The following SV2B variants were observed in gnomAD, a reference collection of about 807,000 sequenced individuals.
SV2B encodes the protein solute carrier family 22 member B2.
In SV2B, 41 loss-of-function variants were observed where a neutral mutation model predicts 73.9. That is an observed-to-expected ratio of 0.56 (90% CI 0.43 to 0.72). The LOEUF (loss-of-function observed/expected upper bound fraction) is 0.72. Among genes scored for constraint, SV2B ranks in the 30% least tolerant of loss-of-function variants. SV2B has a pLI of 0.00. For synonymous variants in SV2B, 314 were observed against 314.2 expected (o/e 1.00, Z 0.01); for missense variants, 764 against 857.8 (o/e 0.89, Z 1.37).
intron 1 of SV2B, among the ~76,000 whole-genome samples, chr15:91,215,237 T>C (rs2045985796): frequency 6.6e-6 from 1 of 152,206 alleles, no homozygotes; most frequent in Non-Finnish European, 1.5e-5. Context: ...TTCTTTGGCC[T>C]TGCACTTGAA....
chr15:91,195,229 C>T (rs1431000962), intron 1 of SV2B, among the ~76,000 whole-genome samples: 1 of 152,170 alleles, frequency 6.6e-6, no homozygotes, highest in Non-Finnish European at 1.5e-5. Flanking sequence ...GGAATCTTGG[C>T]TCACTGCAGC....
intron 1 of SV2B, among the ~76,000 whole-genome samples, chr15:91,104,883 C>T (rs1386889702): frequency 4.6e-5 from 7 of 152,192 alleles, no homozygotes; most frequent in Non-Finnish European, 7.3e-5. Context: ...CTGCCCGCCT[C>T]GGCCTCCCAA....
chr15:91,276,956 G>T (rs945670921), intron 9 of SV2B, among the ~76,000 whole-genome samples: 1 of 151,978 alleles, frequency 6.6e-6, no homozygotes, highest in African/African-American at 2.4e-5. Flanking sequence ...GAATAAGTGG[G>T]ATTACAGGCA....
chr15:91,284,226 G>C lies in SV2B; in HGVS notation c.1708+5G>C. 6.2e-7 allele frequency: 1 copy of C among 1,614,076 alleles called. No individual in the cohort carries two copies. The highest frequency in any genetic ancestry group is 1.1e-5 in the South Asian group (1 of 91,046). On this transcript the variant is annotated splice_donor_5th_base_variant and intron_variant, in intron 11 of 12. Transcript: ENST00000394232. This position sits in a 1 kb window ranked among gnomAD's most constrained non-coding sequence, Gnocchi z 4.5. The stretch of plus-strand genomic sequence containing the variant: ...TTGGAAGGCTCAAGATGATTGGTGA[G>C]TTGCCAGCAGGGTCATTCCTGGGTT...
rs1395375682 is a variant in SV2B at position 91,106,631 on chromosome 15, A to G, written c.-392+6268A>G. Among the ~76,000 whole-genome samples the G allele has an allele frequency of 3.3e-5, 5 of 152,246 alleles. No homozygotes were observed. The highest frequency in any genetic ancestry group is 1.2e-4 in the African/African-American group (5 of 41,462). ...GGAAAGCAACGTGTGGTGACAAGAA[A>G]GAAAGAGGAACAAGTGGAAACCAAA... On this transcript the variant is annotated intron_variant, in intron 1 of 12. Transcript: ENST00000394232. This position sits in a 1 kb window ranked among gnomAD's most constrained non-coding sequence, Gnocchi z 4.4.
intron 1 of SV2B, among the ~76,000 whole-genome samples, chr15:91,135,956 G>A (rs184924810): frequency 6.6e-6 from 1 of 152,094 alleles, no homozygotes; most frequent in East Asian, 1.9e-4. Context: ...CTTGCAGGAG[G>A]GCAAGAGAAC....
At chr15:91,153,463 C>T (rs912573488) in intron 1 of SV2B, among the ~76,000 whole-genome samples, 2 of 152,126 alleles carry the variant, frequency 1.3e-5, no homozygotes, top group Non-Finnish European at 2.9e-5. Flanking sequence ...AGGCATTTAG[C>T]TTCCCCAAGG....
At chr15:91,178,321 A>G (rs1359449808) in intron 1 of SV2B, among the ~76,000 whole-genome samples, 1 of 150,226 alleles carries the variant, frequency 6.7e-6, no homozygotes, top group Non-Finnish European at 1.5e-5. Context: ...TTTTTGCATC[A>G]ATGTTCATCA....
In SV2B at chr15:91,234,995, G is replaced by A. The variant is rs940572630; in HGVS notation, c.451+8281G>A. 2.6e-5 allele frequency among the ~76,000 whole-genome samples: 4 copies of A among 152,144 alleles called. No homozygotes were observed. The highest frequency in any genetic ancestry group is 1.3e-4 in the Admixed American group (2 of 15,276). Reference sequence around the variant, plus strand: ...TTTTAGCTCAGGTCCATCTCACAGCGGGTCCTCAAGCTTGTTCTGTGGTTT... The same window carrying A: ...TTTTAGCTCAGGTCCATCTCACAGCAGGTCCTCAAGCTTGTTCTGTGGTTT... On this transcript the variant is annotated intron_variant, in intron 2 of 12. Transcript: ENST00000394232. This position sits in a 1 kb window ranked among gnomAD's most constrained non-coding sequence, Gnocchi z 5.6.
chr15:91,187,710 A>C (rs1309135183), intron 1 of SV2B, among the ~76,000 whole-genome samples: 2 of 151,710 alleles, frequency 1.3e-5, no homozygotes, highest in Non-Finnish European at 2.9e-5. Flanking sequence ...TCCTTGCTGC[A>C]ATGATAAGTA....
intron 1 of SV2B, among the ~76,000 whole-genome samples, chr15:91,177,376 C>T (rs1403976585): frequency 1.3e-5 from 2 of 150,472 alleles, no homozygotes; most frequent in Admixed American, 6.6e-5. Flanking sequence ...GCGATGTGGG[C>T]TCTTTTTTGG....
rs1283017892 is a variant in SV2B, at chr15:91,122,518, A to G, written c.-392+22155A>G. On this transcript the variant is annotated intron_variant, in intron 1 of 12. Coordinates refer to ENST00000394232, the MANE Select transcript of SV2B (RefSeq NM_001323032.3). This position sits in a 1 kb window ranked among gnomAD's most constrained non-coding sequence, Gnocchi z 4.3. Reference sequence around the variant, plus strand: ...ACCCTGCTTCTCCTTCTCTGCCAACATGCATGCTGCAGAGCAGACTCCCCC... The same window carrying G: ...ACCCTGCTTCTCCTTCTCTGCCAACGTGCATGCTGCAGAGCAGACTCCCCC... Among the ~76,000 whole-genome samples the G allele has an allele frequency of 6.6e-6, 1 of 152,118 alleles. No homozygotes were observed. The highest frequency in any genetic ancestry group is 2.4e-5 in the African/African-American group (1 of 41,418).
At chr15:91,243,098 C>T (rs998940190) in intron 2 of SV2B, among the ~76,000 whole-genome samples, 1 of 152,148 alleles carries the variant, frequency 6.6e-6, no homozygotes, top group Non-Finnish European at 1.5e-5. Context: ...CTTATGAGAC[C>T]CCTGGACTAT....
chr15:91,195,909 G>T (rs564574662), intron 1 of SV2B, among the ~76,000 whole-genome samples: 3 of 152,288 alleles, frequency 2.0e-5, no homozygotes, highest in East Asian at 3.9e-4. Context: ...ATCAGCATCA[G>T]GATGAGAGAA....
Position 91,251,070 on chromosome 15 carries a change from AT to A in SV2B, c.452-746del, listed in dbSNP as rs1223005796. On this transcript the variant is annotated intron_variant, in intron 2 of 12. Coordinates refer to ENST00000394232, the MANE Select transcript of SV2B (RefSeq NM_001323032.3). ...TCAAATATACTACAAAACTGTAGTA[AT>A]TTAAAACAATGGTAGTGGCATAAAC... 2.6e-5 allele frequency among the ~76,000 whole-genome samples: 4 copies of A among 152,346 alleles called. No individual in the cohort carries two copies. In the East Asian group the frequency reaches 7.7e-4, roughly 29 times the overall value.
chr15:91,145,055 G>T (rs965566451), intron 1 of SV2B, among the ~76,000 whole-genome samples: 6 of 151,966 alleles, frequency 3.9e-5, no homozygotes, highest in Non-Finnish European at 7.4e-5. Flanking sequence ...TGTATCATGG[G>T]GGTTGTTGTA....
At chr15:91,143,841 C>A (rs1163688202) in intron 1 of SV2B, among the ~76,000 whole-genome samples, 1 of 152,202 alleles carries the variant, frequency 6.6e-6, no homozygotes, top group Non-Finnish European at 1.5e-5. Context: ...CATGTTAATG[C>A]AAAATTAAAT....
At chr15:91,113,477 A>G (rs1448504461) in intron 1 of SV2B, among the ~76,000 whole-genome samples, 1 of 152,180 alleles carries the variant, frequency 6.6e-6, no homozygotes, top group Non-Finnish European at 1.5e-5. Context: ...TTATGGGAAC[A>G]AGTTGAGGAG....
chr15:91,154,332 G>C (rs962167830), intron 1 of SV2B, among the ~76,000 whole-genome samples: 1 of 152,106 alleles, frequency 6.6e-6, no homozygotes, highest in African/African-American at 2.4e-5. Context: ...TGCAGTGCCA[G>C]GCACTAGACA....
Sources: gnomAD v4.1 joint callset for allele counts (sites outside exome capture counted in the v4.1 genomes callset) on GRCh38, gnomAD v4.1.1 for gene constraint, Gnocchi (gnomAD v3.1) non-coding constraint, MANE v1.5 for transcripts, NCBI Gene and HGNC (gene_info 2026-07-23, HGNC 2026-07-21) for gene names.